Variants in QPCT observed in about 807,000 individuals in gnomAD.
The protein encoded by QPCT is glutaminyl-peptide cyclotransferase, also known as EC.
Under a neutral mutation model 43.4 loss-of-function variants are expected in QPCT, and 44 were observed. The ratio of observed to expected loss-of-function variants is 1.01; its 90% CI spans 0.80 to 1.30. The LOEUF is 1.30. Ranked by LOEUF, QPCT falls within the 50% of genes most tolerant of loss-of-function variation. QPCT has a pLI of 0.00. For missense variants in QPCT, 526 were observed against 436.5 expected (o/e 1.21, Z -1.83); for synonymous variants, 168 against 168.4 (o/e 1.00, Z 0.02).
At chr2:37,360,017 A>T in intron 3 of QPCT, 159 bp downstream of exon 3, 1 of 788,252 alleles carries the variant, frequency 1.3e-6, no homozygotes, top group Non-Finnish European at 2.0e-6. Context: ...ATGATTGGGA[A>T]TATCAACCAT....
intron 1 of QPCT, among the ~76,000 whole-genome samples, chr2:37,347,398 TTTC>T (rs1672528026): frequency 1.3e-4 from 19 of 150,858 alleles, no homozygotes; most frequent in Admixed American, 1.2e-3. Flanking sequence ...TGATCTCTCC[TTTC>T]TTCTTCTGTG....
At position 37,359,872 on chromosome 2, in the gene QPCT, G is replaced by C. The variant is rs1256402346; in HGVS notation, c.546+14G>C. ...CTTTCCTTAAAGGTATCTGTTTTCT[G>C]CTTATTGATTCCTAGGATAAAGTAC... is the stretch of plus-strand genomic sequence containing the variant. On this transcript the variant is annotated intron_variant, in intron 3 of 6. Transcript: ENST00000338415. 1.2e-6 allele frequency: 2 copies of C among 1,610,488 alleles called. No homozygotes were observed. Among genetic ancestry groups the C allele is most frequent in the Non-Finnish European group, 1.7e-6 (2 of 1,177,166 alleles).
chr2:37,367,053 G>T (rs1672978474), intron 3 of QPCT, 179 bp from the exon 4 acceptor site: 1 of 615,014 alleles, frequency 1.6e-6, no homozygotes, highest in Admixed American at 3.0e-5. Flanking sequence ...AAGACTGTGG[G>T]AGGTGTGATG....
rs530741119 is a variant in QPCT, at chr2:37,368,215, G to A, written c.723+807G>A. 9.4e-4 allele frequency: 153 copies of A among 161,940 alleles called. 3 individuals carry two copies. The highest frequency in any genetic ancestry group is 5.9e-3 in the Middle Eastern group (2 of 340). The allele number at this position is 161,940 out of a possible 1,614,324, so 10.0% of individuals were successfully genotyped here. On this transcript the variant is annotated intron_variant, in intron 4 of 6. Coordinates refer to ENST00000338415, the MANE Select transcript of QPCT (RefSeq NM_012413.4). ...TTTGACATGGGGGTGGGGATATTTTGATGCTGCCTTAAAACCCTGCTATTA... is the reference window on the plus strand; with the variant it reads ...TTTGACATGGGGGTGGGGATATTTTAATGCTGCCTTAAAACCCTGCTATTA...
intron 2 of QPCT, 142 bp downstream of exon 2, chr2:37,353,077 C>T (rs1672657159): frequency 1.0e-6 from 1 of 975,640 alleles, no homozygotes; most frequent in Non-Finnish European, 1.5e-6. Context: ...CAAGAAAAAT[C>T]AAATGACTGA....
chr2:37,354,879 T>C (rs980536226), intron 2 of QPCT, among the ~76,000 whole-genome samples: 4 of 152,204 alleles, frequency 2.6e-5, no homozygotes, highest in African/African-American at 9.7e-5. Flanking sequence ...AGAAATGATA[T>C]GCATACTTCA....
At chr2:37,355,405 T>C (rs1375718252) in intron 2 of QPCT, among the ~76,000 whole-genome samples, 1 of 152,046 alleles carries the variant, frequency 6.6e-6, no homozygotes, top group Non-Finnish European at 1.5e-5. Flanking sequence ...TTTTTTTTTC[T>C]CCTGAGGCCT....
chr2:37,344,958 A>G lies in QPCT; in HGVS notation c.120+107A>G, dbSNP rs1672449390. 4 of 1,424,378 alleles carry G rather than the reference A, an allele frequency of 2.8e-6. No individual in the cohort carries two copies. In the African/African-American group the frequency reaches 4.5e-5, roughly 16 times the overall value. The allele number at this position is 1,424,378 out of a possible 1,614,324, so 88.2% of individuals were successfully genotyped here. Reference sequence around the variant, plus strand: ...GCAGAGCGGGAGGCGGGGCAGGGCCACGGTCCCCAGCCCAGGCACCGGCGC... The same window carrying G: ...GCAGAGCGGGAGGCGGGGCAGGGCCGCGGTCCCCAGCCCAGGCACCGGCGC... On this transcript the variant is annotated intron_variant, in intron 1 of 6. Transcript: ENST00000338415.
rs1265191042 is a variant in QPCT, at chr2:37,372,931, A to G, written c.*104A>G. 19 of 959,710 alleles carry G rather than the reference A, an allele frequency of 2.0e-5. No individual in the cohort carries two copies. The highest frequency in any genetic ancestry group is 5.0e-5 in the African/African-American group (3 of 60,442). The allele number at this position is 959,710 out of a possible 1,614,324, so 59.4% of individuals were successfully genotyped here. A position where few individuals can be genotyped will look rare whatever the true frequency, so the allele number is the denominator to read the frequency against. ...AGACAAATGCTGTGTGGAAACATCT[A>G]TCCTATAGATCATCCTATTCTTATG... On this transcript the variant is annotated 3_prime_UTR_variant, in exon 7 of 7. Coordinates refer to ENST00000338415, the MANE Select transcript of QPCT (RefSeq NM_012413.4).
intron 1 of QPCT, among the ~76,000 whole-genome samples, chr2:37,351,166 T>C (rs1558601059): frequency 6.6e-6 from 1 of 152,246 alleles, no homozygotes; most frequent in Non-Finnish European, 1.5e-5. Flanking sequence ...AATAGTTGCA[T>C]GACTATTTAA....
At chr2:37,356,211 T>A (rs1367783618) in intron 2 of QPCT, among the ~76,000 whole-genome samples, 1 of 152,220 alleles carries the variant, frequency 6.6e-6, no homozygotes, top group Non-Finnish European at 1.5e-5. Context: ...TACCACTCTT[T>A]GGAAGTAGAC....
At position 37,372,956 on chromosome 2, in the gene QPCT, G is replaced by A. The variant is rs1673113388; in HGVS notation, c.*129G>A. ...ATCCTATAGATCATCCTATTCTTAT[G>A]TGTCTTTGGTTATCAGATCAATTAC... On this transcript the variant is annotated 3_prime_UTR_variant, in exon 7 of 7. Transcript: ENST00000338415. 5 of 746,232 alleles carry A rather than the reference G, an allele frequency of 6.7e-6. No homozygotes were observed. The Admixed American group carries it at 1.4e-4, about 21-fold the overall frequency. 46.2% of individuals were successfully genotyped at this position (746,232 alleles called of 1,614,324 possible).
At position 37,352,859 on chromosome 2, in the gene QPCT, A is replaced by G. The variant is rs756236958; in HGVS notation, c.191A>G (p.Glu64Gly). The G allele has an allele frequency of 6.2e-6, 10 of 1,614,082 alleles. No individual in the cohort carries two copies. The African/African-American group carries it at 8.0e-5, about 13-fold the overall frequency. Residue 64 changes from glutamate (E) to glycine (G), a missense_variant, in exon 2 of 7, where the codon GAA becomes GGA. Glu to Gly is a moderately conservative substitution (Grantham distance 98). Coordinates refer to ENST00000338415, the MANE Select transcript of QPCT (RefSeq NM_012413.4). ...RQIAEGTSIS[E>G]MWQNDLQPLL... The stretch of plus-strand genomic sequence containing the variant: ...ATTGCAGAAGGCACCAGTATCTCTG[A>G]AATGTGGCAAAATGACTTACAGCCA...
At chr2:37,372,640 T>G in intron 6 of QPCT, 42 bp from the exon 7 acceptor site, 3 of 1,592,868 alleles carry the variant, frequency 1.9e-6, no homozygotes, top group Non-Finnish European at 2.6e-6. Context: ...GTTTACTCAC[T>G]GGAGTAATGC....
At chr2:37,351,381 A>G (rs1672620952) in intron 1 of QPCT, among the ~76,000 whole-genome samples, 1 of 152,226 alleles carries the variant, frequency 6.6e-6, no homozygotes, top group African/African-American at 2.4e-5. Flanking sequence ...TAATGAATGA[A>G]TGGTTCATCA....
At chr2:37,369,897 A>T in intron 5 of QPCT, 113 bp downstream of exon 5, 1 of 965,508 alleles carries the variant, frequency 1.0e-6, no homozygotes, top group Non-Finnish European at 1.6e-6. Flanking sequence ...CACACCTGTA[A>T]TCCTAGCACT....
At position 37,359,769 on chromosome 2, in the gene QPCT, G is replaced by T. The variant is rs1323392475; in HGVS notation, c.457G>T (p.Val153Leu). The T allele has an allele frequency of 6.2e-7, 1 of 1,614,160 alleles. No individual in the cohort carries two copies. Among genetic ancestry groups the T allele is most frequent in the Non-Finnish European group, 8.5e-7 (1 of 1,180,014 alleles). Residue 153 changes from valine to leucine, a missense_variant, in exon 3 of 7, where the codon GTG becomes TTG. Transcript: ENST00000338415. ...GTATTTTTCCCACTGGAACAACAGAGTGTTTGTAGGAGCCACTGATTCAGC... is the reference window on the plus strand; with the variant it reads ...GTATTTTTCCCACTGGAACAACAGATTGTTTGTAGGAGCCACTGATTCAGC... ...SKYFSHWNNR[V>L]FVGATDSAVP...
At chr2:37,357,853 T>C (rs925666262) in intron 2 of QPCT, among the ~76,000 whole-genome samples, 1 of 151,778 alleles carries the variant, frequency 6.6e-6, no homozygotes, top group African/African-American at 2.4e-5. Flanking sequence ...GGGACTTGGC[T>C]AGGATAGAAA....
At chr2:37,351,198 C>A (rs1336046202) in intron 1 of QPCT, among the ~76,000 whole-genome samples, 2 of 152,174 alleles carry the variant, frequency 1.3e-5, no homozygotes, top group Non-Finnish European at 2.9e-5. Flanking sequence ...TAACACTGGT[C>A]CTGAAAGGAA....
Sources: allele counts gnomAD v4.1 joint callset (sites outside exome capture counted in the v4.1 genomes callset), GRCh38; gene constraint gnomAD v4.1.1; transcripts MANE v1.5; gene names NCBI Gene and HGNC (gene_info 2026-07-23, HGNC 2026-07-21).